Variants in CAPN8 observed in about 807,000 individuals in gnomAD.
CAPN8 encodes the protein calpain-8.
A neutral mutation model predicts 80.9 loss-of-function variants in CAPN8; 87 were observed. That is an observed-to-expected ratio of 1.07 (90% CI 0.90 to 1.28). The LOEUF (loss-of-function observed/expected upper bound fraction) is 1.28, where lower values mean the gene tolerates loss of function less well. Among genes scored for constraint, CAPN8 ranks in the 50% most tolerant of loss-of-function variants. The pLI, the probability that CAPN8 is intolerant of heterozygous loss-of-function variation, is 0.00. For synonymous variants in CAPN8, 299 were observed against 273.8 expected, an observed-to-expected ratio of 1.09 and a Z score of -0.91; for missense variants, 757 against 702.0, an observed-to-expected ratio of 1.08 and a Z score of -0.89.
intron 1 of CAPN8, among the ~76,000 whole-genome samples, chr1:223,664,257 C>T (rs1658728926): frequency 6.6e-6 from 1 of 152,222 alleles, no homozygotes; most frequent in Admixed American, 6.5e-5. Context: ...CACCTCTCCA[C>T]TCACCAGCCC....
At chr1:223,542,381 G>A (rs1324046710) in intron 20 of CAPN8, among the ~76,000 whole-genome samples, 1 of 152,052 alleles carries the variant, frequency 6.6e-6, no homozygotes, top group Non-Finnish European at 1.5e-5. Flanking sequence ...AGGTATCTGT[G>A]GGAATCCACA....
intron 2 of CAPN8, chr1:223,642,633 C>G (rs1394217022): frequency 2.7e-6 from 1 of 369,350 alleles, no homozygotes; most frequent in Non-Finnish European, 5.2e-6. Flanking sequence ...GAGGAAAGAA[C>G]AGGAAAGGCT....
chr1:223,628,425 G>A (rs1657666368), intron 3 of CAPN8, among the ~76,000 whole-genome samples: 1 of 152,214 alleles, frequency 6.6e-6, no homozygotes, highest in Non-Finnish European at 1.5e-5. Flanking sequence ...CAGTCCACAG[G>A]GCTTTCCTGA....
intron 1 of CAPN8, among the ~76,000 whole-genome samples, chr1:223,661,261 A>G (rs550620952): frequency 1.3e-5 from 2 of 152,292 alleles, no homozygotes; most frequent in East Asian, 3.9e-4. Flanking sequence ...GCTCACCATC[A>G]CTGATCTTTG....
chr1:223,542,190 T>C (rs900131646), intron 20 of CAPN8, among the ~76,000 whole-genome samples: 1 of 151,278 alleles, frequency 6.6e-6, no homozygotes, highest in Non-Finnish European at 1.5e-5. Context: ...ACTATATATG[T>C]GTGTGTATAT....
chr1:223,613,687 G>C (rs1438682739), intron 10 of CAPN8, among the ~76,000 whole-genome samples: 3 of 152,236 alleles, frequency 2.0e-5, no homozygotes, highest in Admixed American at 6.5e-5. Context: ...GGGAGAGAGA[G>C]GAGGCCAGAC....
intron 10 of CAPN8, among the ~76,000 whole-genome samples, chr1:223,613,852 C>G (rs1657097698): frequency 6.6e-6 from 1 of 152,184 alleles, no homozygotes; most frequent in Admixed American, 6.5e-5. Flanking sequence ...CTCCCTATAA[C>G]CCCAGCTACT....
At chr1:223,633,717 A>G (rs954871509) in intron 2 of CAPN8, among the ~76,000 whole-genome samples, 3 of 152,226 alleles carry the variant, frequency 2.0e-5, no homozygotes, top group Admixed American at 6.5e-5. Context: ...TGAATCAGAC[A>G]TTGTTAAAAA....
chr1:223,549,665 G>C (rs1471473687), intron 15 of CAPN8: 19 of 544,498 alleles, frequency 3.5e-5, no homozygotes, highest in Non-Finnish European at 3.3e-6. Context: ...ATATCTTTGA[G>C]CTTTAATTTC....
At chr1:223,633,183 A>G (rs895360013) in intron 2 of CAPN8, among the ~76,000 whole-genome samples, 5 of 152,188 alleles carry the variant, frequency 3.3e-5, no homozygotes, top group African/African-American at 4.8e-5. Flanking sequence ...TTTCTAACTG[A>G]TATTAGAAGC....
intron 18 of CAPN8, 33 bp downstream of exon 18, chr1:223,544,739 T>C (rs757504932): frequency 1.3e-6 from 2 of 1,551,208 alleles, no homozygotes; most frequent in Admixed American, 3.9e-5. Context: ...CACACCTGGA[T>C]CCCAAGACCC....
chr1:223,648,246 G>A (rs989928331), intron 2 of CAPN8, among the ~76,000 whole-genome samples: 3 of 152,192 alleles, frequency 2.0e-5, no homozygotes, highest in Non-Finnish European at 4.4e-5. Flanking sequence ...GAGCCACCAC[G>A]GGTAGCAAAG....
At position 223,544,869 on chromosome 1, in the gene CAPN8, C is replaced by T. The variant is rs1297000275; in HGVS notation, c.1834-19G>A. Reference sequence around the variant, plus strand: ...AGATCTCCTAAAGCAGGAAAGAAATCCCAAGTAGAAAACAACCATTCACGG... The same window carrying T: ...AGATCTCCTAAAGCAGGAAAGAAATTCCAAGTAGAAAACAACCATTCACGG... On this transcript the variant is annotated intron_variant, in intron 17 of 20. Transcript: ENST00000366872. 8 of 1,551,386 alleles carry T rather than the reference C, an allele frequency of 5.2e-6. No homozygotes were observed. Among genetic ancestry groups the T allele is most frequent in the Non-Finnish European group, 7.0e-6 (8 of 1,147,000 alleles).
At chr1:223,656,668 G>GTTT (rs1331913444) in intron 1 of CAPN8, among the ~76,000 whole-genome samples, 1,704 of 94,582 alleles carry the variant, frequency 0.018, 244 homozygotes, top group South Asian at 0.038. Context: ...CACGTTTTGG[G>GTTT]TTTTTTTGTT....
rs1657555650 is a variant in CAPN8, at chr1:223,625,810, C to T, written c.808G>A (p.Glu270Lys). The part of the protein sequence containing the change: ...KSHAYSVTGV[E>K]EVNFQGHPEK... ...CACCTTCCACACAATTTTACCTCTT[C>T]GACTCCAGTGACAGAGTACGCATGA... The change falls in exon 6 of 21, where the codon GAA (glutamate) becomes AAA (lysine). Residue 270 changes from glutamate to lysine, a missense_variant. Coordinates refer to ENST00000366872, the MANE Select transcript of CAPN8 (RefSeq NM_001143962.2). The T allele has an allele frequency of 4.5e-6, 7 of 1,549,940 alleles. No individual in the cohort carries two copies. Among genetic ancestry groups the T allele is most frequent in the South Asian group, 1.2e-5 (1 of 83,990 alleles).
intron 2 of CAPN8, chr1:223,644,101 G>T (rs1380873812): frequency 3.1e-5 from 9 of 290,698 alleles, no homozygotes; most frequent in South Asian, 1.1e-4. Flanking sequence ...TCACTTCATT[G>T]ATCATTTCTA....
chr1:223,618,321 A>T (rs1657264148), intron 9 of CAPN8: 1 of 1,549,842 alleles, frequency 6.5e-7, no homozygotes. Context: ...CGAGCCAGGA[A>T]AGCTTCCCAC....
intron 2 of CAPN8, among the ~76,000 whole-genome samples, chr1:223,634,590 G>A (rs1427237500): frequency 6.6e-6 from 1 of 152,154 alleles, no homozygotes; most frequent in East Asian, 1.9e-4. Context: ...AACAACACAA[G>A]TCTAGAGGCT....
chr1:223,553,174 G>T (rs1656834857), intron 14 of CAPN8, among the ~76,000 whole-genome samples: 1 of 152,062 alleles, frequency 6.6e-6, no homozygotes, highest in Non-Finnish European at 1.5e-5. Flanking sequence ...CTGTATTTAT[G>T]GGGCCGGTTT....
Sources: gnomAD v4.1 joint callset for allele counts (sites outside exome capture counted in the v4.1 genomes callset) on GRCh38, gnomAD v4.1.1 for gene constraint, MANE v1.5 for transcripts, NCBI Gene and HGNC (gene_info 2026-07-23, HGNC 2026-07-21) for gene names.